SRRM2: variants seen among roughly 807,000 people sequenced by gnomAD.
SRRM2 encodes serine/arginine repetitive matrix 2.
A neutral mutation model predicts 213.8 loss-of-function variants in SRRM2; 30 were observed. The observed-to-expected ratio is 0.14, with a 90% CI of 0.10 to 0.19. The LOEUF (loss-of-function observed/expected upper bound fraction) is 0.19, where lower values mean the gene tolerates loss of function less well. SRRM2 is among the 10% of genes least tolerant of loss of function. SRRM2 has a pLI of 1.00. For missense variants in SRRM2, 4,904 were observed against 3,647.0 expected (o/e 1.34, Z -8.88); for synonymous variants, 2,025 against 1,377.7 (o/e 1.47, Z -10.40).
chr16:2,770,247 T>A (rs2068693594), intron 12 of SRRM2, 105 bp from the exon 13 acceptor site: 1 of 1,467,970 alleles, frequency 6.8e-7, no homozygotes, highest in Non-Finnish European at 9.1e-7. Flanking sequence ...AGGCTGGCCC[T>A]GTGTGGTGTG....
At position 2,771,012 on chromosome 16, in the gene SRRM2, CTTT is replaced by C. The variant is rs372487257; in HGVS notation, c.*153_*155del. 6.1e-6 allele frequency: 4 copies of C among 652,602 alleles called. No homozygotes were observed. The highest frequency in any genetic ancestry group is 2.4e-5 in the South Asian group (1 of 41,410). 40.4% of individuals were successfully genotyped at this position (652,602 alleles called of 1,614,324 possible). On this transcript the variant is annotated 3_prime_UTR_variant, in exon 15 of 15. Coordinates refer to ENST00000301740, the MANE Select transcript of SRRM2 (RefSeq NM_016333.4). ...GGATGGAGGGCTCCCTTTCCCTCCC[CTTT>C]TTTTTTTCTTTGTTCCTGTGAAATG...
rs1159877369 is a variant in SRRM2, at chr16:2,763,414, A to G, written c.2886A>G (p.Arg962=). ...SVSPCSNVES[R]LLPRYSHSGS... is the part of the protein sequence containing the mutation. ...CTCCCTGCTCCAATGTGGAATCCAG[A>G]TTGTTGCCAAGATACAGTCATTCTG... Residue 962 remains arginine, a synonymous_variant, in exon 11 of 15, where the codon AGA becomes AGG. Transcript: ENST00000301740. 2 of 1,614,228 alleles carry G rather than the reference A, an allele frequency of 1.2e-6. No individual in the cohort carries two copies. The highest frequency in any genetic ancestry group is 1.3e-5 in the African/African-American group (1 of 75,056).
chr16:2,769,774 G>C (rs576182676), intron 12 of SRRM2: 1 of 467,084 alleles, frequency 2.1e-6, no homozygotes, highest in Non-Finnish European at 4.3e-6. Flanking sequence ...CCACCTCTGC[G>C]GGAGTGGCGT....
Position 2,763,577 on chromosome 16 carries a change from C to T in SRRM2, c.3049C>T (p.Pro1017Ser), listed in dbSNP as rs200474954. 7 of 1,614,152 alleles carry T rather than the reference C, an allele frequency of 4.3e-6. No homozygotes were observed. Among genetic ancestry groups the T allele is most frequent in the Non-Finnish European group, 5.9e-6 (7 of 1,180,034 alleles). Residue 1017 changes from proline to serine, a missense_variant, in exon 11 of 15, where the codon CCC (proline) becomes TCC (serine). Pro to Ser is a moderately conservative substitution (Grantham distance 74, BLOSUM62 -1). Transcript: ENST00000301740. ...TCTTTCTGGATCAAAGTCACCATGT[C>T]CCCAAGAGAAGTCTAAAGACTCACT... ...PSLSGSKSPC[P>S]QEKSKDSLVQ...
chr16:2,757,590 C>T lies in SRRM2; in HGVS notation c.350+11C>T, dbSNP rs536410598. ...AGGGCAGAGGCCAGCGTGAGTGTTG[C>T]GCTCTCCCTCGATGACTCTGGACTC... On this transcript the variant is annotated intron_variant, in intron 3 of 14. Coordinates refer to ENST00000301740, the MANE Select transcript of SRRM2 (RefSeq NM_016333.4). 104 of 1,609,724 alleles carry T rather than the reference C, an allele frequency of 6.5e-5. 1 individual carries two copies. The South Asian group carries it at 6.5e-4, about 10-fold the overall frequency.
Position 2,765,241 on chromosome 16 carries a change from C to T in SRRM2, c.4713C>T (p.Thr1571=). ...CAGATTCTAAAGCCAAGACAAGAAC[C>T]CCACTTCGGCAGAGGAGTCGGTCTG... ...SSPDSKAKTR[T]PLRQRSRSGS... The change falls in exon 11 of 15, where the codon ACC becomes ACT. Residue 1571 remains threonine (T), a synonymous_variant. Coordinates refer to ENST00000301740, the MANE Select transcript of SRRM2 (RefSeq NM_016333.4). The T allele has an allele frequency of 6.2e-7, 1 of 1,614,070 alleles. No individual in the cohort carries two copies. Among genetic ancestry groups the T allele is most frequent in the Non-Finnish European group, 8.5e-7 (1 of 1,179,960 alleles).
rs1295679364 is a variant in SRRM2 at position 2,767,316 on chromosome 16, C to T, written c.6788C>T (p.Ala2263Val). The change falls in exon 11 of 15, where the codon GCT (alanine) becomes GTT (valine). Residue 2263 changes from alanine (A) to valine (V), a missense_variant. By Grantham distance (64) the Ala-to-Val change is moderately conservative (BLOSUM62 0). Transcript: ENST00000301740. ...AACCTGGCTGACTCTCGAACGCCAGCTGCAGCAGCGGCCATGAACTTGGCC... is the reference window on the plus strand; with the variant it reads ...AACCTGGCTGACTCTCGAACGCCAGTTGCAGCAGCGGCCATGAACTTGGCC... ...AVNLADSRTPAAAAAMNLASP... is the reference protein window; with the variant it reads ...AVNLADSRTPVAAAAMNLASP... 1.9e-6 allele frequency: 3 copies of T among 1,613,954 alleles called. No homozygotes were observed. In the South Asian group the frequency reaches 3.3e-5, roughly 18 times the overall value.
In SRRM2 at chr16:2,765,714, C is replaced by T. The variant is rs1188394227; in HGVS notation, c.5186C>T (p.Ser1729Leu). Residue 1729 changes from serine (S) to leucine (L), a missense_variant, in exon 11 of 15, where the codon TCA (serine) becomes TTA (leucine). Coordinates refer to ENST00000301740, the MANE Select transcript of SRRM2 (RefSeq NM_016333.4). ...RTPPRHRRSPSVSSPEPAEKS... is the reference protein window; with the variant it reads ...RTPPRHRRSPLVSSPEPAEKS... ...CCCCCAAGGCACCGGAGAAGTCCCT[C>T]AGTGTCTTCCCCGGAGCCAGCCGAA... 6.2e-7 allele frequency: 1 copy of T among 1,614,182 alleles called. No individual in the cohort carries two copies.
chr16:2,769,265 C>T lies in SRRM2; in HGVS notation c.8002C>T (p.Pro2668Ser). 4 of 1,564,424 alleles carry T rather than the reference C, an allele frequency of 2.6e-6. No individual in the cohort carries two copies. The highest frequency in any genetic ancestry group is 3.5e-6 in the Non-Finnish European group (4 of 1,154,348). ...ALPKPASPKK[P>S]PPGERRSRSP... ...GCCCAAACCTGCAAGCCCCAAGAAG[C>T]CACCCCCTGGCGAGCGGAGGTGAGT... Residue 2668 changes from proline to serine, a missense_variant, in exon 12 of 15, where the codon CCA becomes TCA. Coordinates refer to ENST00000301740, the MANE Select transcript of SRRM2 (RefSeq NM_016333.4).
rs1204134505 is a variant in SRRM2, at chr16:2,766,453, G to A, written c.5925G>A (p.Ser1975=). 1.1e-5 allele frequency: 18 copies of A among 1,613,636 alleles called. No homozygotes were observed. The highest frequency in any genetic ancestry group is 3.3e-5 in the South Asian group (3 of 91,072). ...GGAGGCGATCTCGAAGCAGAACTTC[G>A]CCTATCACTCGCAGAAGATCAAGAT... ...VTRRRSRSRT[S]PITRRRSRSR... The change falls in exon 11 of 15, where the codon TCG becomes TCA. Residue 1975 remains serine, a synonymous_variant. Transcript: ENST00000301740. The surrounding 1 kb of genome is among the most constrained non-coding windows in gnomAD (Gnocchi z 7.0).
In SRRM2 at chr16:2,762,818, T is replaced by A; in HGVS notation, c.2290T>A (p.Ser764Thr). ...TTCAAGGCGGAGCAGGTCTCTCTCT[T>A]CACCACGGTCCAAAGCAAAATCTCG... is the stretch of plus-strand genomic sequence containing the variant. Reference protein sequence around the residue: ...ISSRRSRSLSSPRSKAKSRLS... With the variant: ...ISSRRSRSLSTPRSKAKSRLS... The change falls in exon 11 of 15, where the codon TCA becomes ACA. Residue 764 changes from serine (S) to threonine (T), a missense_variant. Coordinates refer to ENST00000301740, the MANE Select transcript of SRRM2 (RefSeq NM_016333.4). The A allele has an allele frequency of 6.2e-7, 1 of 1,614,140 alleles. No homozygotes were observed. Among genetic ancestry groups the A allele is most frequent in the Non-Finnish European group, 8.5e-7 (1 of 1,180,028 alleles).
intron 9 of SRRM2, 153 bp from the exon 10 acceptor site, chr16:2,760,148 C>G (rs1038867790): frequency 4.7e-5 from 34 of 721,088 alleles, no homozygotes; most frequent in African/African-American, 5.3e-5. Context: ...ACTGTACTTG[C>G]ATTTCAGTGA....
Position 2,762,110 on chromosome 16 carries a change from C to T in SRRM2, c.1582C>T (p.Pro528Ser). ...ACAGAGGTGGGGAAGATCTAGAAGC[C>T]CCCAGCGACGTGGCCGCTCTAGGTC... ...SAQRWGRSRS[P>S]QRRGRSRSPQ... is the part of the protein sequence containing the mutation. The change falls in exon 11 of 15, where the codon CCC becomes TCC. Residue 528 changes from proline to serine, a missense_variant. Transcript: ENST00000301740. 6.2e-7 allele frequency: 1 copy of T among 1,614,142 alleles called. No homozygotes were observed. The highest frequency in any genetic ancestry group is 1.1e-5 in the South Asian group (1 of 91,080).
intron 12 of SRRM2, chr16:2,769,810 G>A: frequency 2.1e-6 from 1 of 466,426 alleles, no homozygotes; most frequent in Non-Finnish European, 4.3e-6. Flanking sequence ...AACGGGCCTT[G>A]CCCGCCCTGT....
rs1201763952 is a variant in SRRM2, at chr16:2,766,303, C to T, written c.5775C>T (p.Ser1925=). ...CAGTGAGCAGAAGGCGATCCAGATC[C>T]AGAACGCCACCAGTAACCCGCCGTC... ...ASPVSRRRSR[S]RTPPVTRRRS... The change falls in exon 11 of 15, where the codon TCC becomes TCT. Residue 1925 remains serine (S), a synonymous_variant. Coordinates refer to ENST00000301740, the MANE Select transcript of SRRM2 (RefSeq NM_016333.4). This position sits in a 1 kb window ranked among gnomAD's most constrained non-coding sequence, Gnocchi z 7.0. 4.3e-6 allele frequency: 7 copies of T among 1,614,060 alleles called. No individual in the cohort carries two copies. In the Middle Eastern group the frequency reaches 6.6e-4, roughly 152 times the overall value.
intron 1 of SRRM2, among the ~76,000 whole-genome samples, chr16:2,755,862 G>T (rs1479067293): frequency 1.3e-5 from 2 of 152,190 alleles, no homozygotes; most frequent in Non-Finnish European, 2.9e-5. Flanking sequence ...ACTAGAGGCC[G>T]TTGGGTGCCA....
chr16:2,761,986 C>G lies in SRRM2; in HGVS notation c.1458C>G (p.Ser486Arg). Residue 486 changes from serine (S) to arginine (R), a missense_variant, in exon 11 of 15, where the codon AGC becomes AGG. Transcript: ENST00000301740. ...CCCGTAGGATGGGGAGGTCCCGTAG[C>G]CCTGCCACCGCTAAGAGAGGGCGAT... ...TPSRRMGRSRSPATAKRGRSR... is the reference protein window; with the variant it reads ...TPSRRMGRSRRPATAKRGRSR... 1 of 1,614,118 alleles carries G rather than the reference C, an allele frequency of 6.2e-7. No individual in the cohort carries two copies. Among genetic ancestry groups the G allele is most frequent in the Non-Finnish European group, 8.5e-7 (1 of 1,180,022 alleles).
rs994290736 is a variant in SRRM2 at position 2,768,106 on chromosome 16, A to T, written c.7578A>T (p.Pro2526=). Residue 2526 remains proline (P), a synonymous_variant, in exon 11 of 15, where the codon CCA becomes CCT. Coordinates refer to ENST00000301740, the MANE Select transcript of SRRM2 (RefSeq NM_016333.4). ...CTTCTGCATTAGCCGCCCTGCAGCC[A>T]GCAAAGGAGCGGCGGAGTTCCTCCT... ...QQPSALAALQ[P]AKERRSSSSS... The T allele has an allele frequency of 6.2e-7, 1 of 1,614,042 alleles. No homozygotes were observed. Among genetic ancestry groups the T allele is most frequent in the Non-Finnish European group, 8.5e-7 (1 of 1,180,016 alleles).
chr16:2,765,711 C>T lies in SRRM2; in HGVS notation c.5183C>T (p.Pro1728Leu), dbSNP rs1238889047. 1.9e-6 allele frequency: 3 copies of T among 1,614,148 alleles called. No homozygotes were observed. Among genetic ancestry groups the T allele is most frequent in the Non-Finnish European group, 2.5e-6 (3 of 1,180,032 alleles). The part of the protein sequence containing the change: ...SRTPPRHRRS[P>L]SVSSPEPAEK... ...ACTCCCCCAAGGCACCGGAGAAGTC[C>T]CTCAGTGTCTTCCCCGGAGCCAGCC... The change falls in exon 11 of 15, where the codon CCC becomes CTC. Residue 1728 changes from proline to leucine, a missense_variant. Physicochemically the swap from Pro to Leu is moderately conservative, Grantham distance 98. Coordinates refer to ENST00000301740, the MANE Select transcript of SRRM2 (RefSeq NM_016333.4).
Sources: allele counts gnomAD v4.1 joint callset (sites outside exome capture counted in the v4.1 genomes callset), GRCh38; gene constraint gnomAD v4.1.1; non-coding constraint Gnocchi (gnomAD v3.1); transcripts MANE v1.5; gene names NCBI Gene and HGNC (gene_info 2026-07-23, HGNC 2026-07-21).